The following DDX10 variants were observed in gnomAD, a reference collection of about 807,000 sequenced individuals.
DDX10 encodes probable ATP-dependent RNA helicase DDX10.
Under a neutral mutation model 104.3 loss-of-function variants are expected in DDX10, and 74 were observed. The ratio of observed to expected loss-of-function variants is 0.71; its 90% CI spans 0.59 to 0.86. The LOEUF (loss-of-function observed/expected upper bound fraction) is 0.86, where lower values mean the gene tolerates loss of function less well. Among genes scored for constraint, DDX10 ranks in the 40% least tolerant of loss-of-function variants. The pLI is 0.00. For missense variants in DDX10, 952 were observed against 1,040.0 expected (o/e 0.92, Z 1.16); for synonymous variants, 351 against 353.4 (o/e 0.99, Z 0.08).
intron 16 of DDX10, among the ~76,000 whole-genome samples, chr11:108,877,352 G>T (rs1459621816): frequency 6.6e-6 from 1 of 152,110 alleles, no homozygotes; most frequent in Non-Finnish European, 1.5e-5. Context: ...CTAGTAAGTT[G>T]TGTATATTTA....
chr11:108,799,373 C>G (rs1861987174), intron 13 of DDX10, among the ~76,000 whole-genome samples: 1 of 152,192 alleles, frequency 6.6e-6, no homozygotes, highest in Non-Finnish European at 1.5e-5. Context: ...TTGGCCTTGT[C>G]CTAACATAAC....
intron 13 of DDX10, among the ~76,000 whole-genome samples, chr11:108,804,647 T>A (rs1011816479): frequency 5.3e-5 from 8 of 152,290 alleles, no homozygotes; most frequent in Admixed American, 4.6e-4. Flanking sequence ...AAGGCTGCAA[T>A]TAAGTGTTGG....
At position 108,826,498 on chromosome 11, in the gene DDX10, A is replaced by C. The variant is rs191021869; in HGVS notation, c.1966-11948A>C. Among the ~76,000 whole-genome samples, 24 of 152,330 alleles carry C rather than the reference A, an allele frequency of 1.6e-4. 1 individual carries two copies. The East Asian group carries it at 4.6e-3, about 29-fold the overall frequency. On this transcript the variant is annotated intron_variant, in intron 13 of 17. Transcript: ENST00000322536. ...GTTTTATATTTTAGCTATGGACCTC[A>C]GTTACCAGAGCCAAACTTGTTCTTA...
intron 13 of DDX10, among the ~76,000 whole-genome samples, chr11:108,798,439 C>T (rs1216849112): frequency 6.6e-6 from 1 of 152,192 alleles, no homozygotes; most frequent in Admixed American, 6.5e-5. Flanking sequence ...AACAGTAACT[C>T]TGTAATTCCT....
At chr11:108,828,184 G>T (rs1291442315) in intron 13 of DDX10, among the ~76,000 whole-genome samples, 1 of 152,052 alleles carries the variant, frequency 6.6e-6, no homozygotes, top group Non-Finnish European at 1.5e-5. Flanking sequence ...CAGGTTTTTG[G>T]TGAACAGGCA....
intron 13 of DDX10, among the ~76,000 whole-genome samples, chr11:108,790,170 C>G (rs910774077): frequency 3.7e-4 from 56 of 152,278 alleles, no homozygotes; most frequent in African/African-American, 1.2e-3. Flanking sequence ...CCATAGATGT[C>G]CGCCCTACTC....
chr11:108,809,446 C>T (rs561640183), intron 13 of DDX10, among the ~76,000 whole-genome samples: 19 of 152,264 alleles, frequency 1.2e-4, no homozygotes, highest in African/African-American at 3.4e-4. Flanking sequence ...CTCTGTAAAG[C>T]GTTTCTGCAA....
At chr11:108,843,391 C>CT (rs71050891) in intron 15 of DDX10, among the ~76,000 whole-genome samples, 26,534 of 137,646 alleles carry the variant, frequency 0.19, 5,542 homozygotes, top group African/African-American at 0.52. Context: ...CTTGCACATC[C>CT]TTTTTTTTTT....
intron 9 of DDX10, among the ~76,000 whole-genome samples, chr11:108,703,220 A>G (rs1486501732): frequency 6.6e-6 from 1 of 152,230 alleles, no homozygotes; most frequent in Non-Finnish European, 1.5e-5. Flanking sequence ...TGTGTATACT[A>G]AGACACAATG....
intron 13 of DDX10, among the ~76,000 whole-genome samples, chr11:108,821,111 G>T (rs1469219694): frequency 6.6e-6 from 1 of 152,140 alleles, no homozygotes; most frequent in Non-Finnish European, 1.5e-5. Context: ...GTGTTTCAGA[G>T]GGATGAAGTA....
At chr11:108,869,769 C>T (rs1004408891) in intron 16 of DDX10, among the ~76,000 whole-genome samples, 2 of 151,978 alleles carry the variant, frequency 1.3e-5, no homozygotes, top group African/African-American at 2.4e-5. Context: ...GAAATTTTGG[C>T]AGTAGAGATT....
Position 108,914,664 on chromosome 11 carries a change from CAGAAG to C in DDX10, c.2305-3206_2305-3202del, listed in dbSNP as rs147544312. On this transcript the variant is annotated intron_variant, in intron 16 of 17. Coordinates refer to ENST00000322536, the MANE Select transcript of DDX10 (RefSeq NM_004398.4). ...CAAAAATATTAGACATGGAATTAAACAGAAGAGTGTGATCTATACCCCAAAAAAGG... is the reference window on the plus strand; with the variant it reads ...CAAAAATATTAGACATGGAATTAAACAGTGTGATCTATACCCCAAAAAAGG... Among the ~76,000 whole-genome samples the C allele has an allele frequency of 6.9e-3, 1,042 of 152,056 alleles. 3 individuals are homozygous for C. Among genetic ancestry groups the C allele is most frequent in the Non-Finnish European group, 0.01 (703 of 67,972 alleles).
intron 16 of DDX10, among the ~76,000 whole-genome samples, chr11:108,881,562 C>T (rs896041582): frequency 6.6e-6 from 1 of 152,128 alleles, no homozygotes; most frequent in Non-Finnish European, 1.5e-5. Flanking sequence ...TCAGTAGAAG[C>T]CATGCTTTGA....
intron 16 of DDX10, among the ~76,000 whole-genome samples, chr11:108,884,367 G>A (rs1863266165): frequency 6.6e-6 from 1 of 152,022 alleles, no homozygotes; most frequent in Non-Finnish European, 1.5e-5. Flanking sequence ...TAGAAAGCTT[G>A]TTCTCCCCCA....
At chr11:108,772,241 G>A (rs1399355158) in intron 13 of DDX10, among the ~76,000 whole-genome samples, 4 of 152,268 alleles carry the variant, frequency 2.6e-5, no homozygotes, top group East Asian at 3.9e-4. Context: ...CACAACCTAC[G>A]AATATTACCT....
intron 13 of DDX10, among the ~76,000 whole-genome samples, chr11:108,764,056 C>G (rs996300000): frequency 7.9e-5 from 12 of 152,026 alleles, no homozygotes; most frequent in African/African-American, 1.2e-4. Flanking sequence ...CAACTAAAAC[C>G]TTTGGTGGAT....
intron 13 of DDX10, among the ~76,000 whole-genome samples, chr11:108,827,641 T>G (rs1273085593): frequency 6.6e-6 from 1 of 152,194 alleles, no homozygotes; most frequent in East Asian, 1.9e-4. Flanking sequence ...TTTCCTATAA[T>G]TTTAGTTGAT....
At chr11:108,934,187 A>T (rs1418667179) in intron 17 of DDX10, among the ~76,000 whole-genome samples, 1 of 152,234 alleles carries the variant, frequency 6.6e-6, no homozygotes, top group Non-Finnish European at 1.5e-5. Context: ...TAGAAGCCCT[A>T]GAAAACATAG....
chr11:108,769,747 A>C (rs2094360618), intron 13 of DDX10, among the ~76,000 whole-genome samples: 4 of 152,086 alleles, frequency 2.6e-5, no homozygotes, highest in Admixed American at 2.0e-4. Flanking sequence ...TACTCTTTTT[A>C]GTCTCAATAA....
Sources: gnomAD v4.1 joint callset for allele counts (sites outside exome capture counted in the v4.1 genomes callset) on GRCh38, gnomAD v4.1.1 for gene constraint, MANE v1.5 for transcripts, NCBI Gene and HGNC (gene_info 2026-07-23, HGNC 2026-07-21) for gene names.